BMS1: variants seen among roughly 807,000 people sequenced by gnomAD.
BMS1 encodes the protein BMS1 ribosome biogenesis factor, also known as ribosome biogenesis protein BMS1 homolog.
Under a neutral mutation model 138.7 loss-of-function variants are expected in BMS1, and 53 were observed. That is an observed-to-expected ratio of 0.38 (90% confidence interval 0.31 to 0.48). BMS1 has a LOEUF of 0.48. Ranked by LOEUF, BMS1 falls within the 20% of genes least tolerant of loss-of-function variation. The pLI, the probability that BMS1 is intolerant of heterozygous loss-of-function variation, is 0.97. For missense variants in BMS1, 1,360 were observed against 1,565.5 expected, an observed-to-expected ratio of 0.87 and a Z score of 2.22; for synonymous variants, 504 against 539.9, an observed-to-expected ratio of 0.93 and a Z score of 0.92.
At chr10:42,820,863 A>G in intron 17 of BMS1, 71 bp from the exon 18 acceptor site, 1 of 1,345,870 alleles carries the variant, frequency 7.4e-7, no homozygotes. Flanking sequence ...CTAAATGTCC[A>G]TATCCAGTAT....
Position 42,830,385 on chromosome 10 carries a change from G to A in BMS1, c.3581G>A (p.Arg1194Gln), listed in dbSNP as rs753785662. The A allele has an allele frequency of 1.2e-5, 20 of 1,612,780 alleles. No homozygotes were observed. The highest frequency in any genetic ancestry group is 5.0e-5 in the Admixed American group (3 of 59,558). ...GCAGGCAAGGTGCCAAAGGACAGGCGGAGACCGGCCGTCATACGCGAGCCT... is the reference window on the plus strand; with the variant it reads ...GCAGGCAAGGTGCCAAAGGACAGGCAGAGACCGGCCGTCATACGCGAGCCT... ...AKAGKVPKDR[R>Q]RPAVIREPHE... Residue 1194 changes from arginine (R) to glutamine (Q), a missense_variant, in exon 22 of 23, where the codon CGG becomes CAG. Physicochemically the swap from Arg to Gln is conservative, Grantham distance 43. Transcript: ENST00000374518.
At chr10:42,819,778 T>C (rs753621934) in intron 15 of BMS1, among the ~76,000 whole-genome samples, 7 of 152,054 alleles carry the variant, frequency 4.6e-5, no homozygotes, top group Non-Finnish European at 7.4e-5. Flanking sequence ...AGGTAAAATA[T>C]GTAGGTCTTT....
At chr10:42,812,789 G>T (rs908108278) in intron 13 of BMS1, among the ~76,000 whole-genome samples, 4 of 152,224 alleles carry the variant, frequency 2.6e-5, no homozygotes, top group Non-Finnish European at 5.9e-5. Context: ...TGGTTCCTGA[G>T]GGGGAATGCA....
chr10:42,806,843 C>T (rs1455158440), intron 13 of BMS1, among the ~76,000 whole-genome samples: 1 of 150,072 alleles, frequency 6.7e-6, no homozygotes, highest in African/African-American at 2.5e-5. Flanking sequence ...TGTAGATTGA[C>T]ATGCACGTGT....
At chr10:42,808,219 T>G (rs1842065083) in intron 13 of BMS1, among the ~76,000 whole-genome samples, 1 of 152,010 alleles carries the variant, frequency 6.6e-6, no homozygotes, top group African/African-American at 2.4e-5. Context: ...TCTCCTAATC[T>G]GTAGTTTTCA....
At chr10:42,821,182 A>G (rs1842494116) in intron 18 of BMS1, among the ~76,000 whole-genome samples, 190 bp downstream of exon 18, 1 of 152,184 alleles carries the variant, frequency 6.6e-6, no homozygotes, top group African/African-American at 2.4e-5. Flanking sequence ...GAGGTGGAAG[A>G]ATTATAATGG....
chr10:42,828,036 G>A (rs113254415), intron 21 of BMS1, among the ~76,000 whole-genome samples: 3 of 152,274 alleles, frequency 2.0e-5, no homozygotes, highest in African/African-American at 7.2e-5. Flanking sequence ...ACAGAAGAGT[G>A]CCCAAATCAT....
chr10:42,810,515 C>T (rs1228432839), intron 13 of BMS1, among the ~76,000 whole-genome samples: 1 of 152,108 alleles, frequency 6.6e-6, no homozygotes, highest in Non-Finnish European at 1.5e-5. Context: ...ATACTAGCCT[C>T]ATAAAATGAG....
intron 3 of BMS1, among the ~76,000 whole-genome samples, chr10:42,786,705 C>T (rs1841341555): frequency 6.6e-6 from 1 of 151,834 alleles, no homozygotes; most frequent in African/African-American, 2.4e-5. Flanking sequence ...GGACTACAGG[C>T]GAGAGCTACT....
intron 15 of BMS1, among the ~76,000 whole-genome samples, chr10:42,818,343 T>C (rs1337989761): frequency 6.6e-6 from 1 of 152,216 alleles, no homozygotes; most frequent in Non-Finnish European, 1.5e-5. Flanking sequence ...TTGTGGGCCA[T>C]TGGAAAAGAC....
chr10:42,792,247 C>T (rs981809102), intron 6 of BMS1, among the ~76,000 whole-genome samples: 1 of 152,166 alleles, frequency 6.6e-6, no homozygotes, highest in African/African-American at 2.4e-5. Context: ...TTCCCCGACC[C>T]CAGGTGGACG....
In BMS1 at chr10:42,802,126, T is replaced by G. The variant is rs564447238; in HGVS notation, c.2248-11T>G. The stretch of plus-strand genomic sequence containing the variant: ...GAACACCTCACCTAAGTGCTGACTT[T>G]TCTGCGTAAGGTTATGAACAGTATC... On this transcript the variant is annotated splice_polypyrimidine_tract_variant and intron_variant, in intron 12 of 22. Coordinates refer to ENST00000374518, the MANE Select transcript of BMS1 (RefSeq NM_014753.4). 173 of 1,592,410 alleles carry G rather than the reference T, an allele frequency of 1.1e-4. No homozygotes were observed. The South Asian group carries it at 1.8e-3, about 17-fold the overall frequency.
rs201790350 is a variant in BMS1, at chr10:42,792,973, C to T, written c.918C>T (p.Ala306=). ...QIHMPGVGDF[A]VSDISFLPDP... ...GTCTTCCAGGGGTAGGAGATTTTGC[C>T]GTGAGTGACATCAGTTTCCTCCCAG... is the stretch of plus-strand genomic sequence containing the variant. The change falls in exon 8 of 23, where the codon GCC becomes GCT. Residue 306 remains alanine, a synonymous_variant. Transcript: ENST00000374518. The T allele has an allele frequency of 9.3e-6, 15 of 1,610,734 alleles. 1 individual carries two copies. The highest frequency in any genetic ancestry group is 5.5e-5 in the South Asian group (5 of 90,350).
chr10:42,818,950 C>T (rs189752866), intron 15 of BMS1, among the ~76,000 whole-genome samples: 5 of 152,304 alleles, frequency 3.3e-5, no homozygotes, highest in Admixed American at 6.5e-5. Flanking sequence ...ATGTTAACTA[C>T]GGTGAAGGCA....
chr10:42,808,542 G>A (rs971441614), intron 13 of BMS1, among the ~76,000 whole-genome samples: 1 of 151,852 alleles, frequency 6.6e-6, no homozygotes, highest in East Asian at 1.9e-4. Flanking sequence ...CTCGTGATCC[G>A]CCTTACTTGG....
chr10:42,816,664 A>G lies in BMS1; in HGVS notation c.2395A>G (p.Asn799Asp), dbSNP rs766687274. The change falls in exon 14 of 23, where the codon AAT (asparagine) becomes GAT (aspartate). Residue 799 changes from asparagine (N) to aspartate (D), a missense_variant. Asn to Asp is a conservative substitution (Grantham distance 23). Around this residue, in one of 3 missense-constraint regions of BMS1, gnomAD observed 697 missense variants for 686.2 expected, o/e 1.02. Transcript: ENST00000374518. ...CGTGCACAAGGGAAAATCAGGCCCCAATACTCAGGTATGACTTTGTCGTAG... is the reference window on the plus strand; with the variant it reads ...CGTGCACAAGGGAAAATCAGGCCCCGATACTCAGGTATGACTTTGTCGTAG... ...GDVHKGKSGP[N>D]TQNEDIEKEV... 1.3e-5 allele frequency: 21 copies of G among 1,611,292 alleles called. No individual in the cohort carries two copies. In the African/African-American group the frequency reaches 2.7e-4, roughly 21 times the overall value.
chr10:42,807,830 A>G (rs993507974), intron 13 of BMS1, among the ~76,000 whole-genome samples: 1 of 150,202 alleles, frequency 6.7e-6, no homozygotes, highest in African/African-American at 2.4e-5. Flanking sequence ...CAATAATGCA[A>G]TTGCTGGGTC....
At chr10:42,824,686 A>G (rs12251963) in intron 21 of BMS1, among the ~76,000 whole-genome samples, 16,970 of 152,136 alleles carry the variant, frequency 0.11, 1,106 homozygotes, top group African/African-American at 0.18. Flanking sequence ...TCAGGGTCCA[A>G]TTTTATTCTT....
chr10:42,812,716 A>G (rs1324807009), intron 13 of BMS1, among the ~76,000 whole-genome samples: 1 of 152,160 alleles, frequency 6.6e-6, no homozygotes, highest in African/African-American at 2.4e-5. Flanking sequence ...TCTGTAGTGG[A>G]GTGAGGGCTG....
Sources: allele counts gnomAD v4.1 joint callset (sites outside exome capture counted in the v4.1 genomes callset), GRCh38; gene constraint gnomAD v4.1.1; regional missense constraint gnomAD v4.1.1; transcripts MANE v1.5; gene names NCBI Gene and HGNC (gene_info 2026-07-23, HGNC 2026-07-21).